PIK3C2A: variants seen among roughly 807,000 people sequenced by gnomAD.
PIK3C2A encodes phosphatidylinositol 4-phosphate 3-kinase C2 domain-containing subunit alpha.
In PIK3C2A, 97 loss-of-function variants were observed where a neutral mutation model predicts 204.5. That is an observed-to-expected ratio of 0.47 (90% CI 0.40 to 0.56). PIK3C2A has a LOEUF of 0.56. Ranked by LOEUF, PIK3C2A falls within the 20% of genes least tolerant of loss-of-function variation. The pLI, the probability that PIK3C2A is intolerant of heterozygous loss-of-function variation, is 0.00. For synonymous variants in PIK3C2A, 653 were observed against 664.4 expected, an observed-to-expected ratio of 0.98 and a Z score of 0.26; for missense variants, 1,735 against 1,969.2, an observed-to-expected ratio of 0.88 and a Z score of 2.25.
intron 1 of PIK3C2A, among the ~76,000 whole-genome samples, chr11:17,207,512 G>A (rs1300155291): frequency 2.0e-5 from 3 of 151,486 alleles, no homozygotes; most frequent in Non-Finnish European, 4.4e-5. Flanking sequence ...GCGGGGGAGG[G>A]GGGCCGGCGG....
rs1850873730 is a variant in PIK3C2A, at chr11:17,164,227, C to CTA, written c.1065+4448_1065+4449dup. On this transcript the variant is annotated intron_variant, in intron 2 of 32. Coordinates refer to ENST00000691414, the MANE Select transcript of PIK3C2A (RefSeq NM_002645.4). ...ATTAGCTGGGTGTGGTGGCGTGTAC[C>CTA]TATAGTCCCAGCCACTCAGGAGGCT... 2.0e-5 allele frequency among the ~76,000 whole-genome samples: 3 copies of CTA among 151,886 alleles called. No homozygotes were observed. The South Asian group carries it at 6.2e-4, about 32-fold the overall frequency.
At chr11:17,108,253 T>C (rs1025328195) in intron 22 of PIK3C2A, among the ~76,000 whole-genome samples, 1 of 152,180 alleles carries the variant, frequency 6.6e-6, no homozygotes, top group African/African-American at 2.4e-5. Context: ...AAGTAGTGTA[T>C]CAAATATAAC....
chr11:17,138,250 C>A (rs1849939573), intron 8 of PIK3C2A: 1 of 889,914 alleles, frequency 1.1e-6, no homozygotes, highest in African/African-American at 1.6e-5. Context: ...ATTCTATTAC[C>A]AGGGGTTCAG....
intron 1 of PIK3C2A, chr11:17,193,378 A>G (rs555128971): frequency 9.2e-4 from 176 of 190,924 alleles, no homozygotes; most frequent in African/African-American, 4.0e-3. Flanking sequence ...TAAGTTTTAT[A>G]TTTAAAAAAT....
intron 28 of PIK3C2A, 66 bp downstream of exon 28, chr11:17,094,195 T>C: frequency 1.6e-6 from 2 of 1,251,578 alleles, no homozygotes; most frequent in Non-Finnish European, 2.3e-6. Context: ...CACAAAGCTT[T>C]CTACCTACAT....
intron 1 of PIK3C2A, among the ~76,000 whole-genome samples, chr11:17,186,827 G>A (rs946519199): frequency 3.9e-5 from 6 of 152,166 alleles, no homozygotes; most frequent in Admixed American, 3.9e-4. Flanking sequence ...TATAATCCCA[G>A]CACTTTGGGA....
At chr11:17,129,141 A>G (rs530012908) in intron 13 of PIK3C2A, among the ~76,000 whole-genome samples, 159 bp downstream of exon 13, 2 of 152,184 alleles carry the variant, frequency 1.3e-5, no homozygotes, top group Non-Finnish European at 1.5e-5. Flanking sequence ...GATTTCCTCT[A>G]ATCTGTGTCT....
At chr11:17,158,693 TG>T (rs1442478574) in intron 2 of PIK3C2A, among the ~76,000 whole-genome samples, 1 of 152,160 alleles carries the variant, frequency 6.6e-6, no homozygotes, top group Non-Finnish European at 1.5e-5. Flanking sequence ...CCTAAAGCTT[TG>T]CTTGACCCAA....
Position 17,169,398 on chromosome 11 carries a change from G to T in PIK3C2A, c.344C>A (p.Pro115His). ...LDDSFETKKTPVLPVTPILSP... is the reference protein window; with the variant it reads ...LDDSFETKKTHVLPVTPILSP... ...CAGAATAGGAGTAACTGGTAATACAGGTGTTTTTTTAGTCTCGAAACTGTC... is the reference window on the plus strand; with the variant it reads ...CAGAATAGGAGTAACTGGTAATACATGTGTTTTTTTAGTCTCGAAACTGTC... Residue 115 changes from proline (P) to histidine (H), a missense_variant, in exon 2 of 33, where the codon CCT (proline) becomes CAT (histidine). Physicochemically the swap from Pro to His is moderately conservative, Grantham distance 77 (BLOSUM62 -2). Transcript: ENST00000691414. The T allele has an allele frequency of 6.2e-7, 1 of 1,614,056 alleles. No individual in the cohort carries two copies. Among genetic ancestry groups the T allele is most frequent in the Non-Finnish European group, 8.5e-7 (1 of 1,179,948 alleles).
chr11:17,206,588 T>TAA (rs567568074), intron 1 of PIK3C2A, among the ~76,000 whole-genome samples: 2 of 136,746 alleles, frequency 1.5e-5, no homozygotes, highest in Admixed American at 7.3e-5. Flanking sequence ...CCATGTCAAT[T>TAA]AAAAAAAAAA....
intron 2 of PIK3C2A, among the ~76,000 whole-genome samples, chr11:17,160,729 CAGG>C (rs1850746477): frequency 6.6e-6 from 1 of 152,052 alleles, no homozygotes; most frequent in Non-Finnish European, 1.5e-5. Context: ...GAGGTTGAGG[CAGG>C]AGGATGGCTC....
intron 8 of PIK3C2A, among the ~76,000 whole-genome samples, chr11:17,137,229 C>T (rs1156323042): frequency 6.6e-6 from 1 of 152,046 alleles, no homozygotes; most frequent in Non-Finnish European, 1.5e-5. Context: ...AAACCTTCAC[C>T]TTCAAGCTTA....
intron 1 of PIK3C2A, among the ~76,000 whole-genome samples, chr11:17,188,904 C>A (rs1416232743): frequency 4.1e-5 from 6 of 146,938 alleles, no homozygotes; most frequent in Admixed American, 4.0e-4. Context: ...CATTCCAGGC[C>A]TTCACAGAAT....
chr11:17,185,716 C>G (rs1332833230), intron 1 of PIK3C2A, among the ~76,000 whole-genome samples: 1 of 152,186 alleles, frequency 6.6e-6, no homozygotes, highest in African/African-American at 2.4e-5. Flanking sequence ...TACTTACAGG[C>G]TCTATCTTCA....
rs372811959 is a variant in PIK3C2A, at chr11:17,091,347, G to A, written c.4865C>T (p.Thr1622Ile). The part of the protein sequence containing the change: ...TKISRKTRNP[T>I]FNEMLVYSGY... ...ATTTTAACTTACCATTTCATTGAATGTCGGATTCCTCGTTTTTCGTGAAAT... is the reference window on the plus strand; with the variant it reads ...ATTTTAACTTACCATTTCATTGAATATCGGATTCCTCGTTTTTCGTGAAAT... The change falls in exon 32 of 33, where the codon ACA (threonine) becomes ATA (isoleucine). Residue 1622 changes from threonine to isoleucine, a missense_variant. Transcript: ENST00000691414. 1.2e-6 allele frequency: 2 copies of A among 1,612,326 alleles called. No homozygotes were observed. The highest frequency in any genetic ancestry group is 1.1e-5 in the South Asian group (1 of 90,644).
chr11:17,197,420 A>T (rs1396299929), intron 1 of PIK3C2A, among the ~76,000 whole-genome samples: 3 of 152,158 alleles, frequency 2.0e-5, no homozygotes. Flanking sequence ...TATTTTGACA[A>T]AAGGCAATGG....
rs1375148436 is a variant in PIK3C2A at position 17,092,210 on chromosome 11, C to T, written c.4518G>A (p.Glu1506=). 2 of 1,608,854 alleles carry T rather than the reference C, an allele frequency of 1.2e-6. No homozygotes were observed. The highest frequency in any genetic ancestry group is 1.7e-4 in the Middle Eastern group (1 of 6,050). The change falls in exon 29 of 33, where the codon GAG becomes GAA. Residue 1506 remains glutamate, a synonymous_variant. Coordinates refer to ENST00000691414, the MANE Select transcript of PIK3C2A (RefSeq NM_002645.4). ...TCAAACTCTGTAAGTAACTGTTTAA[C>T]TCAATTTTCCTTTTGGCTGCTACAT... is the stretch of plus-strand genomic sequence containing the variant. ...IKDVAAKRKI[E]LNSYLQSLMN...
At chr11:17,093,736 C>T (rs936671626) in intron 28 of PIK3C2A, among the ~76,000 whole-genome samples, 21 of 151,866 alleles carry the variant, frequency 1.4e-4, no homozygotes, top group Non-Finnish European at 2.2e-4. Flanking sequence ...ATCCTGGTAT[C>T]AATCAATCCT....
intron 6 of PIK3C2A, among the ~76,000 whole-genome samples, chr11:17,146,661 C>T (rs1168811806): frequency 6.6e-6 from 1 of 151,134 alleles, no homozygotes; most frequent in Non-Finnish European, 1.5e-5. Context: ...GCAGAGGTTG[C>T]AGTGAGCTAA....
Sources: allele counts gnomAD v4.1 joint callset (sites outside exome capture counted in the v4.1 genomes callset), GRCh38; gene constraint gnomAD v4.1.1; transcripts MANE v1.5; gene names NCBI Gene and HGNC (gene_info 2026-07-23, HGNC 2026-07-21).